PTPRM: variants seen among roughly 807,000 people sequenced by gnomAD.
PTPRM encodes the protein receptor-type tyrosine-protein phosphatase mu.
PTPRM carries 47 observed loss-of-function variants against 186.7 expected under a neutral mutation model. The ratio of observed to expected loss-of-function variants is 0.25; its 90% CI spans 0.20 to 0.32. The LOEUF is 0.32. PTPRM is among the 10% of genes least tolerant of loss of function. The pLI is 1.00. For missense variants in PTPRM, 1,494 were observed against 1,865.0 expected (o/e 0.80, Z 3.66); for synonymous variants, 668 against 674.9 (o/e 0.99, Z 0.16).
chr18:8,018,368 C>T (rs181712681), intron 7 of PTPRM, among the ~76,000 whole-genome samples: 9 of 152,248 alleles, frequency 5.9e-5, no homozygotes, highest in East Asian at 1.9e-4. Context: ...ATTTGTAAAA[C>T]GAAGAAGCAG....
At chr18:8,215,155 G>A (rs1392757825) in intron 14 of PTPRM, among the ~76,000 whole-genome samples, 1 of 152,174 alleles carries the variant, frequency 6.6e-6, no homozygotes, top group African/African-American at 2.4e-5. Flanking sequence ...ACATTGGGAA[G>A]CAATAGCAAT....
At chr18:7,842,445 T>TA (rs1277454289) in intron 2 of PTPRM, among the ~76,000 whole-genome samples, 2 of 152,208 alleles carry the variant, frequency 1.3e-5, no homozygotes, top group African/African-American at 4.8e-5. Flanking sequence ...CTTGGCCAGG[T>TA]AGTGGTGCCT....
At chr18:7,838,779 G>A (rs1359226916) in intron 2 of PTPRM, among the ~76,000 whole-genome samples, 1 of 152,192 alleles carries the variant, frequency 6.6e-6, no homozygotes, top group Non-Finnish European at 1.5e-5. Flanking sequence ...GGCCCAGGTA[G>A]GGCCAAAGGT....
At chr18:8,170,008 A>G (rs2093375398) in intron 14 of PTPRM, among the ~76,000 whole-genome samples, 2 of 152,204 alleles carry the variant, frequency 1.3e-5, no homozygotes, top group Non-Finnish European at 2.9e-5. Flanking sequence ...CTAACCTCTC[A>G]TTTTATAGAT....
chr18:8,278,287 T>C (rs1483835645), intron 19 of PTPRM, among the ~76,000 whole-genome samples: 4 of 152,244 alleles, frequency 2.6e-5, no homozygotes, highest in Non-Finnish European at 5.9e-5. Context: ...TGAACTTTTC[T>C]AATATTTTTA....
Position 7,949,254 on chromosome 18 carries a change from A to G in PTPRM, c.737A>G (p.Asn246Ser). ...TCCCGACGCTTCATTGCTTCATTTA[A>G]TGTTGTGAATACCACCAAACGAGAT... is the stretch of plus-strand genomic sequence containing the variant. ...TSSRRFIASF[N>S]VVNTTKRDAG... is the part of the protein sequence containing the mutation. The change falls in exon 6 of 33, where the codon AAT becomes AGT. Residue 246 changes from asparagine (N) to serine (S), a missense_variant. Physicochemically the swap from Asn to Ser is conservative, Grantham distance 46. Transcript: ENST00000580170. 6.2e-7 allele frequency: 1 copy of G among 1,613,026 alleles called. No homozygotes were observed. Among genetic ancestry groups the G allele is most frequent in the Non-Finnish European group, 8.5e-7 (1 of 1,178,968 alleles).
At chr18:8,277,487 G>A (rs62091341) in intron 19 of PTPRM, among the ~76,000 whole-genome samples, 43,571 of 152,126 alleles carry the variant, frequency 0.29, 6,587 homozygotes, top group Admixed American at 0.38. Context: ...TTTCTTTTGC[G>A]TGTAAATGTT....
intron 2 of PTPRM, among the ~76,000 whole-genome samples, chr18:7,802,842 C>A (rs1386096698): frequency 6.6e-6 from 1 of 152,170 alleles, no homozygotes. Flanking sequence ...TTCATGCACT[C>A]TGCTGTGTAG....
chr18:8,221,125 C>T (rs1269548145), intron 14 of PTPRM, among the ~76,000 whole-genome samples: 1 of 151,970 alleles, frequency 6.6e-6, no homozygotes, highest in Non-Finnish European at 1.5e-5. Context: ...GTTTATTTTG[C>T]AAATATGATT....
At chr18:7,795,847 T>A (rs1208359945) in intron 2 of PTPRM, among the ~76,000 whole-genome samples, 1 of 149,454 alleles carries the variant, frequency 6.7e-6, no homozygotes, top group Non-Finnish European at 1.5e-5. Flanking sequence ...CAGGGTCTTG[T>A]TCTGTCACCC....
chr18:8,249,268 A>G (rs1452246295), intron 17 of PTPRM, among the ~76,000 whole-genome samples: 2 of 152,164 alleles, frequency 1.3e-5, no homozygotes, highest in African/African-American at 2.4e-5. Context: ...TTATTTTCCT[A>G]ATGGTGTTCT....
At chr18:7,756,188 G>T (rs374386637) in intron 1 of PTPRM, among the ~76,000 whole-genome samples, 1 of 152,124 alleles carries the variant, frequency 6.6e-6, no homozygotes, top group Non-Finnish European at 1.5e-5. Context: ...TTTTCTTGAT[G>T]GTTCCTTGTG....
chr18:7,966,464 G>A (rs994499815), intron 7 of PTPRM, among the ~76,000 whole-genome samples: 3 of 152,100 alleles, frequency 2.0e-5, no homozygotes, highest in East Asian at 1.9e-4. Flanking sequence ...CAAGATGGCC[G>A]AATAGGAACA....
intron 1 of PTPRM, among the ~76,000 whole-genome samples, chr18:7,689,338 G>T (rs989523215): frequency 6.6e-6 from 1 of 152,180 alleles, no homozygotes; most frequent in African/African-American, 2.4e-5. Flanking sequence ...GGCTCAAAGG[G>T]CTGGAAAGGT....
intron 1 of PTPRM, among the ~76,000 whole-genome samples, chr18:7,683,584 T>C (rs2039528967): frequency 6.6e-6 from 1 of 152,192 alleles, no homozygotes; most frequent in African/African-American, 2.4e-5. Context: ...AGAGAATGAC[T>C]TCCCAAAGTC....
chr18:8,012,224 A>T (rs545357029), intron 7 of PTPRM, among the ~76,000 whole-genome samples: 1 of 152,336 alleles, frequency 6.6e-6, no homozygotes, highest in Non-Finnish European at 1.5e-5. Context: ...TCCTTTATTG[A>T]TTCCATACAA....
intron 2 of PTPRM, among the ~76,000 whole-genome samples, chr18:7,797,137 T>C (rs1270121314): frequency 6.6e-6 from 1 of 152,188 alleles, no homozygotes; most frequent in Non-Finnish European, 1.5e-5. Flanking sequence ...AAACGCCTAC[T>C]TGAGTCGAGT....
chr18:8,218,064 A>G (rs1417315339), intron 14 of PTPRM, among the ~76,000 whole-genome samples: 2 of 152,186 alleles, frequency 1.3e-5, no homozygotes, highest in Admixed American at 6.5e-5. Context: ...CCAGCTCATT[A>G]AACTGACAGC....
chr18:7,596,460 G>A (rs1463255839), intron 1 of PTPRM, among the ~76,000 whole-genome samples: 1 of 152,160 alleles, frequency 6.6e-6, no homozygotes, highest in Non-Finnish European at 1.5e-5. Context: ...ACAAGATGCA[G>A]GGTGAGTACA....
Sources: allele counts gnomAD v4.1 joint callset (sites outside exome capture counted in the v4.1 genomes callset), GRCh38; gene constraint gnomAD v4.1.1; transcripts MANE v1.5; gene names NCBI Gene and HGNC (gene_info 2026-07-23, HGNC 2026-07-21).